The following KPNA3 variants were observed in gnomAD, a reference collection of about 807,000 sequenced individuals.
The protein encoded by KPNA3 is karyopherin subunit alpha 3.
Under a neutral mutation model 73.8 loss-of-function variants are expected in KPNA3, and 13 were observed. The observed-to-expected ratio is 0.18, with a 90% CI of 0.11 to 0.28. The LOEUF (loss-of-function observed/expected upper bound fraction) is 0.28, where lower values mean the gene tolerates loss of function less well. Among genes scored for constraint, KPNA3 ranks in the 10% least tolerant of loss-of-function variants. KPNA3 has a pLI of 1.00. For missense variants in KPNA3, 360 were observed against 618.1 expected (o/e 0.58, Z 4.43); for synonymous variants, 186 against 206.9 (o/e 0.90, Z 0.87).
At chr13:49,771,499 C>T (rs1021706395) in intron 1 of KPNA3, among the ~76,000 whole-genome samples, 13 of 152,076 alleles carry the variant, frequency 8.5e-5, no homozygotes, top group African/African-American at 2.7e-4. Context: ...CTGTCACCCC[C>T]GCTGGAGTGC....
At chr13:49,731,612 T>C (rs1201679966) in intron 6 of KPNA3, among the ~76,000 whole-genome samples, 2 of 152,196 alleles carry the variant, frequency 1.3e-5, no homozygotes, top group Non-Finnish European at 2.9e-5. Flanking sequence ...GAAAATTCCT[T>C]GGACAACATT....
intron 12 of KPNA3, among the ~76,000 whole-genome samples, chr13:49,707,949 G>C (rs915885455): frequency 2.0e-5 from 3 of 151,732 alleles, no homozygotes; most frequent in African/African-American, 7.3e-5. Context: ...ATATTAGGCA[G>C]ATAAAACTTT....
rs1671968382 is a variant in KPNA3, at chr13:49,746,952, C to T, written c.111G>A (p.Arg37=). The change falls in exon 2 of 17, where the codon CGG becomes CGA. Residue 37 remains arginine, a synonymous_variant. Transcript: ENST00000261667. Reference sequence around the variant, plus strand: ...TTTAAATGTAAATCAACCTTACCTTCCGCAGTTCCACTGTCACTTCATTTC... The same window carrying T: ...TTTAAATGTAAATCAACCTTACCTTTCGCAGTTCCACTGTCACTTCATTTC... ...RHRNEVTVEL[R]KNKRDEHLLK... 6.2e-7 allele frequency: 1 copy of T among 1,606,682 alleles called. No individual in the cohort carries two copies. The highest frequency in any genetic ancestry group is 8.5e-7 in the Non-Finnish European group (1 of 1,173,712).
chr13:49,741,598 C>A (rs1057206841), intron 2 of KPNA3, among the ~76,000 whole-genome samples: 11 of 152,050 alleles, frequency 7.2e-5, no homozygotes, highest in African/African-American at 2.4e-4. Flanking sequence ...GGACTACAGG[C>A]AAATGCCACC....
chr13:49,759,753 A>G (rs1954742910), intron 1 of KPNA3, among the ~76,000 whole-genome samples: 1 of 152,196 alleles, frequency 6.6e-6, no homozygotes, highest in African/African-American at 2.4e-5. Flanking sequence ...GCAGCTGTAA[A>G]TACAGATGAA....
At chr13:49,739,251 A>G (rs957225411) in intron 2 of KPNA3, among the ~76,000 whole-genome samples, 4 of 152,228 alleles carry the variant, frequency 2.6e-5, no homozygotes, top group Non-Finnish European at 5.9e-5. Context: ...ATCATCAAGA[A>G]AAGATTAGGT....
At chr13:49,782,000 A>G (rs1473462882) in intron 1 of KPNA3, among the ~76,000 whole-genome samples, 1 of 149,544 alleles carries the variant, frequency 6.7e-6, no homozygotes, top group Non-Finnish European at 1.5e-5. Flanking sequence ...GGTTACCTTC[A>G]CAGTACTTCT....
In KPNA3 at chr13:49,705,719, G is replaced by A; in HGVS notation, c.1274C>T (p.Ser425Phe). The A allele has an allele frequency of 6.2e-7, 1 of 1,613,980 alleles. No individual in the cohort carries two copies. The highest frequency in any genetic ancestry group is 8.5e-7 in the Non-Finnish European group (1 of 1,179,894). ...ATCTAGAACCACCTGAACCACTTGA[G>A]AATCTTTCACTGACAGTAAATTACA... ...PFCNLLSVKD[S>F]QVVQVVLDGL... Residue 425 changes from serine to phenylalanine, a missense_variant, in exon 15 of 17, where the codon TCT becomes TTT. Physicochemically the swap from Ser to Phe is radical, Grantham distance 155 (BLOSUM62 -2). Transcript: ENST00000261667.
At chr13:49,725,781 A>G (rs1315830926) in intron 6 of KPNA3, among the ~76,000 whole-genome samples, 1 of 151,886 alleles carries the variant, frequency 6.6e-6, no homozygotes, top group Non-Finnish European at 1.5e-5. Flanking sequence ...AGCTGGGATT[A>G]CAGGTGCACA....
chr13:49,751,210 C>T (rs1594449882), intron 1 of KPNA3, among the ~76,000 whole-genome samples: 1 of 152,054 alleles, frequency 6.6e-6, no homozygotes. Context: ...AAAAAGATCC[C>T]CCACATCTCC....
chr13:49,765,470 A>G (rs1433834046), intron 1 of KPNA3, among the ~76,000 whole-genome samples: 1 of 152,112 alleles, frequency 6.6e-6, no homozygotes, highest in Non-Finnish European at 1.5e-5. Context: ...TTTTTAGTGT[A>G]TTTCACTGAG....
intron 5 of KPNA3, 53 bp from the exon 6 acceptor site, chr13:49,732,519 G>T (rs1954479545): frequency 2.7e-6 from 4 of 1,462,406 alleles, no homozygotes; most frequent in Non-Finnish European, 3.8e-6. Context: ...ACTGTGAAAA[G>T]AAATAACAAC....
chr13:49,719,085 T>G (rs1467148517), intron 10 of KPNA3, among the ~76,000 whole-genome samples: 1 of 152,116 alleles, frequency 6.6e-6, no homozygotes, highest in African/African-American at 2.4e-5. Context: ...CATGGAAAAG[T>G]AACAATTTAC....
rs549754618 is a variant in KPNA3 at position 49,761,141 on chromosome 13, A to G, written c.70-14148T>C. On this transcript the variant is annotated intron_variant, in intron 1 of 16. Transcript: ENST00000261667. ...TACAACAACTGGATCCTGGCTATTAACAGAAAAAAATATTTTTTAATGCAG... is the reference window on the plus strand; with the variant it reads ...TACAACAACTGGATCCTGGCTATTAGCAGAAAAAAATATTTTTTAATGCAG... Among the ~76,000 whole-genome samples the G allele has an allele frequency of 3.3e-5, 5 of 152,310 alleles. No individual in the cohort carries two copies. The South Asian group carries it at 1.0e-3, about 32-fold the overall frequency.
At chr13:49,740,562 C>G (rs1419671025) in intron 2 of KPNA3, among the ~76,000 whole-genome samples, 2 of 152,150 alleles carry the variant, frequency 1.3e-5, no homozygotes, top group African/African-American at 4.8e-5. Flanking sequence ...TGCACAAGCT[C>G]TCTTGTCTGC....
At chr13:49,766,928 C>G (rs1266992983) in intron 1 of KPNA3, among the ~76,000 whole-genome samples, 1 of 145,526 alleles carries the variant, frequency 6.9e-6, no homozygotes. Flanking sequence ...AGATTTTTCA[C>G]TTTACAAATA....
chr13:49,742,285 AC>A (rs1954581046), intron 2 of KPNA3, among the ~76,000 whole-genome samples: 1 of 151,804 alleles, frequency 6.6e-6, no homozygotes, highest in Non-Finnish European at 1.5e-5. Flanking sequence ...TGCCTTAGAC[AC>A]CCCTTTCTTT....
At chr13:49,753,026 CAAAAA>C (rs71078888) in intron 1 of KPNA3, among the ~76,000 whole-genome samples, 6 of 82,206 alleles carry the variant, frequency 7.3e-5, no homozygotes, top group Non-Finnish European at 1.1e-4. Context: ...GACTCTGTCT[CAAAAA>C]AAAAAAAAAA....
chr13:49,752,240 G>A (rs1052918499), intron 1 of KPNA3, among the ~76,000 whole-genome samples: 3 of 152,018 alleles, frequency 2.0e-5, no homozygotes, highest in Non-Finnish European at 2.9e-5. Flanking sequence ...ACAATGAACA[G>A]AGCCAGACCT....
Sources: allele counts gnomAD v4.1 joint callset (sites outside exome capture counted in the v4.1 genomes callset), GRCh38; gene constraint gnomAD v4.1.1; transcripts MANE v1.5; gene names NCBI Gene and HGNC (gene_info 2026-07-23, HGNC 2026-07-21).